Variants in ITFG1 observed in about 807,000 individuals in gnomAD.
ITFG1 encodes T-cell immunomodulatory protein.
Under a neutral mutation model 81.8 loss-of-function variants are expected in ITFG1, and 34 were observed. The ratio of observed to expected loss-of-function variants is 0.42; its 90% CI spans 0.32 to 0.55. The LOEUF is 0.55. Among genes scored for constraint, ITFG1 ranks in the 20% least tolerant of loss-of-function variants. ITFG1 has a pLI of 0.17. For missense variants in ITFG1, 672 were observed against 755.4 expected, an observed-to-expected ratio of 0.89 and a Z score of 1.29; for synonymous variants, 285 against 270.6, an observed-to-expected ratio of 1.05 and a Z score of -0.52.
chr16:47,310,537 T>C (rs974479189), intron 10 of ITFG1, among the ~76,000 whole-genome samples: 2 of 152,194 alleles, frequency 1.3e-5, no homozygotes, highest in African/African-American at 4.8e-5. Context: ...CTACATTGGT[T>C]TATCTACTGA....
At chr16:47,293,391 G>A (rs983702893) in intron 10 of ITFG1, among the ~76,000 whole-genome samples, 5 of 151,802 alleles carry the variant, frequency 3.3e-5, no homozygotes, top group South Asian at 2.1e-4. Context: ...TTGCTGCATC[G>A]AATGGTAGTT....
intron 10 of ITFG1, among the ~76,000 whole-genome samples, chr16:47,282,281 T>C (rs1966458872): frequency 6.6e-6 from 1 of 152,062 alleles, no homozygotes; most frequent in Non-Finnish European, 1.5e-5. Flanking sequence ...GTCTTCACTA[T>C]TACTCCATCC....
rs890095838 is a variant in ITFG1, at chr16:47,203,219, T to C, written c.1453+15649A>G. Among the ~76,000 whole-genome samples, 5 of 152,158 alleles carry C rather than the reference T, an allele frequency of 3.3e-5. 1 individual carries two copies. Among genetic ancestry groups the C allele is most frequent in the Non-Finnish European group, 1.5e-5 (1 of 68,010 alleles). ...ACGCTGATGCACCTCAAGGACTTTA[T>C]GCTAAGTGAAATAAACCAGTCACAA... On this transcript the variant is annotated intron_variant, in intron 14 of 17. Coordinates refer to ENST00000320640, the MANE Select transcript of ITFG1 (RefSeq NM_030790.5).
chr16:47,324,270 C>A (rs4967839), intron 8 of ITFG1, among the ~76,000 whole-genome samples: 149,743 of 151,772 alleles, frequency 0.99, 73,897 homozygotes, highest in East Asian at 1. Context: ...AAAATACTTT[C>A]CAGACAAGCA....
At chr16:47,293,391 G>T (rs983702893) in intron 10 of ITFG1, among the ~76,000 whole-genome samples, 3 of 151,690 alleles carry the variant, frequency 2.0e-5, no homozygotes, top group Admixed American at 1.3e-4. Flanking sequence ...TTGCTGCATC[G>T]AATGGTAGTT....
At chr16:47,264,530 C>A (rs1272508397) in intron 10 of ITFG1, among the ~76,000 whole-genome samples, 2 of 145,204 alleles carry the variant, frequency 1.4e-5, no homozygotes, top group African/African-American at 2.6e-5. Context: ...CAGGTTATTG[C>A]CAACTGTTCT....
At chr16:47,388,658 A>C (rs758171482) in intron 6 of ITFG1, among the ~76,000 whole-genome samples, 1 of 152,218 alleles carries the variant, frequency 6.6e-6, no homozygotes, top group Non-Finnish European at 1.5e-5. Flanking sequence ...ATAATGAAAA[A>C]CGGAGATAAT....
intron 2 of ITFG1, among the ~76,000 whole-genome samples, chr16:47,454,637 T>C (rs1969429569): frequency 6.6e-6 from 1 of 152,188 alleles, no homozygotes; most frequent in African/African-American, 2.4e-5. Flanking sequence ...ATTTTATTTC[T>C]GAAAGCTAGT....
intron 8 of ITFG1, among the ~76,000 whole-genome samples, chr16:47,336,134 G>C (rs1266065263): frequency 6.6e-6 from 1 of 152,134 alleles, no homozygotes; most frequent in Non-Finnish European, 1.5e-5. Flanking sequence ...GTCTAGAATA[G>C]GCCAAAGTAT....
chr16:47,264,932 T>C (rs1213950711), intron 10 of ITFG1, among the ~76,000 whole-genome samples: 2 of 152,158 alleles, frequency 1.3e-5, no homozygotes, highest in East Asian at 3.8e-4. Flanking sequence ...TTAGATCTTT[T>C]ATTGTTAGAG....
At chr16:47,280,823 T>G (rs908317355) in intron 10 of ITFG1, among the ~76,000 whole-genome samples, 2 of 152,048 alleles carry the variant, frequency 1.3e-5, no homozygotes, top group Non-Finnish European at 2.9e-5. Flanking sequence ...GAATCAATCA[T>G]GCCTACGTAA....
intron 10 of ITFG1, among the ~76,000 whole-genome samples, chr16:47,278,110 G>C (rs1295517450): frequency 2.0e-5 from 3 of 152,136 alleles, no homozygotes; most frequent in African/African-American, 7.2e-5. Context: ...GTTTATATCT[G>C]TTCATTGGTC....
intron 6 of ITFG1, among the ~76,000 whole-genome samples, chr16:47,409,528 G>A (rs1238828887): frequency 1.5e-5 from 2 of 137,434 alleles, no homozygotes; most frequent in African/African-American, 2.7e-5. Context: ...CAATTCACCC[G>A]CCTCAGCCTC....
At chr16:47,171,842 T>C (rs1460748090) in intron 14 of ITFG1, among the ~76,000 whole-genome samples, 2 of 152,226 alleles carry the variant, frequency 1.3e-5, no homozygotes, top group Non-Finnish European at 2.9e-5. Flanking sequence ...TCAGAGAGTA[T>C]ATAAAATATA....
chr16:47,317,593 G>A (rs971393965), intron 8 of ITFG1: 1 of 152,184 alleles, frequency 6.6e-6, no homozygotes, highest in Non-Finnish European at 1.5e-5. Flanking sequence ...TTGGACATGA[G>A]AATTCTTAGG....
chr16:47,281,011 G>T lies in ITFG1; in HGVS notation c.1071-20316C>A, dbSNP rs147086057. ...GCTTCTTTTAGAATAAACTACAATA[G>T]AATGTATAGCATTTTCCAGAGTTTG... On this transcript the variant is annotated intron_variant, in intron 10 of 17. Coordinates refer to ENST00000320640, the MANE Select transcript of ITFG1 (RefSeq NM_030790.5). Among the ~76,000 whole-genome samples the T allele has an allele frequency of 2.6e-5, 4 of 152,194 alleles. No individual in the cohort carries two copies. In the East Asian group the frequency reaches 7.7e-4, roughly 29 times the overall value.
At chr16:47,266,262 G>T (rs1966274385) in intron 10 of ITFG1, among the ~76,000 whole-genome samples, 2 of 152,152 alleles carry the variant, frequency 1.3e-5, no homozygotes, top group South Asian at 4.1e-4. Flanking sequence ...CTGTTGCCCA[G>T]CCTGGAGTAC....
At chr16:47,403,999 C>A (rs1968696718) in intron 6 of ITFG1, among the ~76,000 whole-genome samples, 1 of 151,992 alleles carries the variant, frequency 6.6e-6, no homozygotes, top group African/African-American at 2.4e-5. Context: ...ATAATTATTT[C>A]ATCACATATT....
rs529346948 is a variant in ITFG1 at position 47,365,591 on chromosome 16, T to C, written c.802+197A>G. ...ATCAAACTATTTTTTAAACACATCA[T>C]AAATTTCTCCTTATTTCATTAAGGA... On this transcript the variant is annotated intron_variant, in intron 8 of 17. Coordinates refer to ENST00000320640, the MANE Select transcript of ITFG1 (RefSeq NM_030790.5). 41 of 466,808 alleles carry C rather than the reference T, an allele frequency of 8.8e-5. 1 individual carries two copies. In the South Asian group the frequency reaches 2.0e-3, roughly 22 times the overall value. 28.9% of individuals were successfully genotyped at this position (466,808 alleles called of 1,614,324 possible). A position where few individuals can be genotyped will look rare whatever the true frequency, so the allele number is the denominator to read the frequency against.
Sources: allele counts gnomAD v4.1 joint callset (sites outside exome capture counted in the v4.1 genomes callset), GRCh38; gene constraint gnomAD v4.1.1; transcripts MANE v1.5; gene names NCBI Gene and HGNC (gene_info 2026-07-23, HGNC 2026-07-21).